EHMT1: variants seen among roughly 807,000 people sequenced by gnomAD.
EHMT1 encodes histone-lysine N-methyltransferase EHMT1.
EHMT1 carries 15 observed loss-of-function variants against 147.2 expected under a neutral mutation model. The observed-to-expected ratio is 0.10, with a 90% CI of 0.07 to 0.16. The LOEUF is 0.16. EHMT1 is among the 10% of genes least tolerant of loss of function. The probability of loss-of-function intolerance (pLI) is 1.00; values close to 1 mark genes in which losing one functional copy is unlikely to be tolerated. For missense variants in EHMT1, 1,587 were observed against 1,772.4 expected (o/e 0.90, Z 1.88); for synonymous variants, 795 against 709.6 (o/e 1.12, Z -1.91).
intron 2 of EHMT1, among the ~76,000 whole-genome samples, chr9:137,714,555 ATTTTTTTTTT>A (rs35445261): frequency 4.7e-5 from 4 of 84,218 alleles, no homozygotes; most frequent in South Asian, 4.2e-4. Flanking sequence ...CAGTTTGCTC[ATTTTTTTTTT>A]TTTTTTTTTT....
At chr9:137,671,237 A>G (rs1940587972) in intron 1 of EHMT1, among the ~76,000 whole-genome samples, 1 of 152,212 alleles carries the variant, frequency 6.6e-6, no homozygotes, top group Non-Finnish European at 1.5e-5. Flanking sequence ...AAGCAGAAGG[A>G]AATATACAAA....
chr9:137,745,750 G>C, intron 6 of EHMT1: 1 of 390,698 alleles, frequency 2.6e-6, no homozygotes, highest in Non-Finnish European at 4.5e-6. Context: ...GTTTTGCTGA[G>C]TATGCCGGAG....
At chr9:137,747,861 C>T (rs943957606) in intron 6 of EHMT1, 7 of 151,296 alleles carry the variant, frequency 4.6e-5, no homozygotes, top group African/African-American at 7.3e-5. Context: ...GTAGGATGGT[C>T]GTGTTTGAAG....
chr9:137,790,833 C>CTGT lies in EHMT1; in HGVS notation c.2383-10_2383-8dup. On this transcript the variant is annotated splice_polypyrimidine_tract_variant and intron_variant, in intron 15 of 26. Transcript: ENST00000460843. ...GTCACAGCCCTCCCATACACCTGAA[C>CTGT]TGTTGTTTCACTAGGCGGGCGCTAA... is the stretch of plus-strand genomic sequence containing the variant. The CTGT allele has an allele frequency of 6.2e-7, 1 of 1,614,198 alleles. No individual in the cohort carries two copies. The highest frequency in any genetic ancestry group is 8.5e-7 in the Non-Finnish European group (1 of 1,180,032).
At chr9:137,678,458 G>A (rs760427142) in intron 1 of EHMT1, among the ~76,000 whole-genome samples, 37 of 151,964 alleles carry the variant, frequency 2.4e-4, no homozygotes, top group Non-Finnish European at 4.6e-4. Flanking sequence ...TTCTCCCTCC[G>A]TTGTCACGAT....
chr9:137,626,232 A>T (rs1437514262), intron 1 of EHMT1, among the ~76,000 whole-genome samples: 1 of 151,658 alleles, frequency 6.6e-6, no homozygotes, highest in Non-Finnish European at 1.5e-5. Context: ...TTCTTGTTTT[A>T]TATATATAGT....
At chr9:137,646,354 A>G in intron 1 of EHMT1, 1 of 985,536 alleles carries the variant, frequency 1.0e-6, no homozygotes, top group Non-Finnish European at 1.2e-6. Flanking sequence ...GGCCTGAGGA[A>G]CATTTCAAGT....
chr9:137,641,994 C>T (rs1844523966), intron 1 of EHMT1, among the ~76,000 whole-genome samples: 1 of 151,974 alleles, frequency 6.6e-6, no homozygotes, highest in Non-Finnish European at 1.5e-5. Flanking sequence ...CACCCACCAC[C>T]ATGCCTGGCT....
At chr9:137,809,304 G>C (rs1372636162) in intron 18 of EHMT1, among the ~76,000 whole-genome samples, 1 of 152,240 alleles carries the variant, frequency 6.6e-6, no homozygotes, top group Non-Finnish European at 1.5e-5. Flanking sequence ...TGTGGAGTTG[G>C]GAGGGGGACT....
intron 10 of EHMT1, among the ~76,000 whole-genome samples, chr9:137,769,456 GA>G (rs1293293723): frequency 3.3e-5 from 5 of 152,220 alleles, no homozygotes; most frequent in Non-Finnish European, 5.9e-5. Context: ...TTGTTTGTTT[GA>G]AAAAGTTGTT....
chr9:137,634,151 A>G (rs546357318), intron 1 of EHMT1, among the ~76,000 whole-genome samples: 1 of 152,224 alleles, frequency 6.6e-6, no homozygotes, highest in South Asian at 2.1e-4. Context: ...TGAAGCACAG[A>G]TGTTTTTAAT....
chr9:137,794,135 ACT>A (rs1394888397), intron 16 of EHMT1, among the ~76,000 whole-genome samples: 1 of 152,158 alleles, frequency 6.6e-6, no homozygotes, highest in Non-Finnish European at 1.5e-5. Flanking sequence ...TTAAACTTTC[ACT>A]GTTTTCTCAT....
intron 1 of EHMT1, among the ~76,000 whole-genome samples, chr9:137,649,386 G>C (rs993146488): frequency 2.0e-5 from 3 of 152,114 alleles, no homozygotes; most frequent in African/African-American, 7.2e-5. Flanking sequence ...CTTGAACCTG[G>C]GAGGCGGAGG....
chr9:137,759,816 G>A (rs1949666801), intron 9 of EHMT1, among the ~76,000 whole-genome samples: 1 of 152,216 alleles, frequency 6.6e-6, no homozygotes, highest in South Asian at 2.1e-4. Context: ...GCGCTGGATG[G>A]CGTCTGGGGC....
chr9:137,780,603 C>T (rs1588670058), intron 14 of EHMT1, among the ~76,000 whole-genome samples: 4 of 128,120 alleles, frequency 3.1e-5, no homozygotes, highest in South Asian at 2.8e-4. Flanking sequence ...GTGGTGATGA[C>T]GCTGGGATGT....
At chr9:137,627,556 C>T (rs1036243094) in intron 1 of EHMT1, among the ~76,000 whole-genome samples, 20 of 152,060 alleles carry the variant, frequency 1.3e-4, no homozygotes, top group African/African-American at 4.1e-4. Context: ...TGAGCCGCTG[C>T]GCCCGTGATT....
At chr9:137,710,505 A>G (rs971887111) in intron 1 of EHMT1, among the ~76,000 whole-genome samples, 2 of 152,220 alleles carry the variant, frequency 1.3e-5, no homozygotes, top group Non-Finnish European at 2.9e-5. Context: ...TGTATAATAC[A>G]TACCTCTATA....
intron 1 of EHMT1, among the ~76,000 whole-genome samples, chr9:137,628,299 A>C (rs1373908053): frequency 2.6e-5 from 4 of 152,030 alleles, no homozygotes; most frequent in African/African-American, 7.2e-5. Flanking sequence ...TTTGTGTTCT[A>C]TTTAGGGATT....
rs533330787 is a variant in EHMT1 at position 137,807,890 on chromosome 9, C to T, written c.2713-3571C>T. ...TTTTGATTGACTGGGTTTTTCTCCCCATTGTGGGTCATGTTTCCTGTTCCT... is the reference window on the plus strand; with the variant it reads ...TTTTGATTGACTGGGTTTTTCTCCCTATTGTGGGTCATGTTTCCTGTTCCT... On this transcript the variant is annotated intron_variant, in intron 18 of 26. Coordinates refer to ENST00000460843, the MANE Select transcript of EHMT1 (RefSeq NM_024757.5). Among the ~76,000 whole-genome samples, 6 of 152,292 alleles carry T rather than the reference C, an allele frequency of 3.9e-5. No homozygotes were observed. The South Asian group carries it at 6.2e-4, about 16-fold the overall frequency.
Sources: gnomAD v4.1 joint callset for allele counts (sites outside exome capture counted in the v4.1 genomes callset) on GRCh38, gnomAD v4.1.1 for gene constraint, MANE v1.5 for transcripts, NCBI Gene and HGNC (gene_info 2026-07-23, HGNC 2026-07-21) for gene names.